Variants in NAA50 observed in about 807,000 individuals in gnomAD.
NAA50 encodes N-alpha-acetyltransferase 50.
NAA50 carries 7 observed loss-of-function variants against 20.7 expected under a neutral mutation model. That is an observed-to-expected ratio of 0.34 (90% confidence interval 0.19 to 0.63). NAA50 has a LOEUF of 0.63. Ranked by LOEUF, NAA50 falls within the 30% of genes least tolerant of loss-of-function variation. The pLI is 0.75. For missense variants in NAA50, 111 were observed against 199.1 expected (o/e 0.56, Z 2.66); for synonymous variants, 54 against 70.6 (o/e 0.77, Z 1.18).
At chr3:113,730,253 T>A (rs974134229) in intron 1 of NAA50, among the ~76,000 whole-genome samples, 4 of 152,076 alleles carry the variant, frequency 2.6e-5, no homozygotes, top group Non-Finnish European at 5.9e-5. Context: ...TGAGCCGAGA[T>A]CGCCACCACT....
At chr3:113,731,203 T>G (rs891889507) in intron 1 of NAA50, among the ~76,000 whole-genome samples, 1 of 152,218 alleles carries the variant, frequency 6.6e-6, no homozygotes, top group East Asian at 1.9e-4. Context: ...TCTTGAGTTT[T>G]GGGTGTATTA....
At chr3:113,723,918 G>C in intron 2 of NAA50, 41 bp downstream of exon 2, 5 of 1,490,556 alleles carry the variant, frequency 3.4e-6, no homozygotes, top group South Asian at 1.4e-5. Flanking sequence ...AGAACAAAAA[G>C]AAAGAAAAGA....
Position 113,736,242 on chromosome 3 carries a change from T to C in NAA50, c.8+9700A>G, listed in dbSNP as rs1364120681. Reference sequence around the variant, plus strand: ...TGCTTTTTCTTGTTTTTCAGATTCATAACAATCAAACCCCAAGGCATTTTC... The same window carrying C: ...TGCTTTTTCTTGTTTTTCAGATTCACAACAATCAAACCCCAAGGCATTTTC... On this transcript the variant is annotated intron_variant, in intron 1 of 4. Transcript: ENST00000240922. Among the ~76,000 whole-genome samples, 8 of 152,176 alleles carry C rather than the reference T, an allele frequency of 5.3e-5. No individual in the cohort carries two copies. In the East Asian group the frequency reaches 1.5e-3, roughly 29 times the overall value.
At position 113,717,622 on chromosome 3, in the gene NAA50, A is replaced by C. The variant is rs1481137322; in HGVS notation, c.*4138T>G. On this transcript the variant is annotated 3_prime_UTR_variant, in exon 5 of 5. Coordinates refer to ENST00000240922, the MANE Select transcript of NAA50 (RefSeq NM_025146.4). ...ATAGAAAATATTTACTCCCTGAAAA[A>C]CTTCTATAGGCTTACTGTTCCTATT... 1 of 152,088 alleles carries C rather than the reference A, an allele frequency of 6.6e-6. No individual in the cohort carries two copies. The highest frequency in any genetic ancestry group is 1.5e-5 in the Non-Finnish European group (1 of 68,022). The allele number at this position is 152,088 out of a possible 1,614,324, so 9.4% of individuals were successfully genotyped here. A position where few individuals can be genotyped will look rare whatever the true frequency, so the allele number is the denominator to read the frequency against.
At chr3:113,745,385 C>A (rs915284546) in intron 1 of NAA50, among the ~76,000 whole-genome samples, 1 of 152,186 alleles carries the variant, frequency 6.6e-6, no homozygotes, top group Non-Finnish European at 1.5e-5. Flanking sequence ...CTCTCTCCCC[C>A]TCCTCCACTC....
rs1708095666 is a variant in NAA50 at position 113,718,744 on chromosome 3, C to T, written c.*3016G>A. The T allele has an allele frequency of 6.6e-6, 1 of 152,210 alleles. No individual in the cohort carries two copies. The highest frequency in any genetic ancestry group is 6.5e-5 in the Admixed American group (1 of 15,286). 9.4% of individuals were successfully genotyped at this position (152,210 alleles called of 1,614,324 possible). On this transcript the variant is annotated 3_prime_UTR_variant, in exon 5 of 5. Coordinates refer to ENST00000240922, the MANE Select transcript of NAA50 (RefSeq NM_025146.4). ...TAAAAATACAGCAGCAAGACAGTTC[C>T]TTGGATCTTACTTTTTCCCTCTCAT...
chr3:113,742,565 G>T lies in NAA50; in HGVS notation c.8+3377C>A, dbSNP rs1708432960. 2.0e-5 allele frequency among the ~76,000 whole-genome samples: 3 copies of T among 152,142 alleles called. No individual in the cohort carries two copies. The South Asian group carries it at 6.2e-4, about 32-fold the overall frequency. On this transcript the variant is annotated intron_variant, in intron 1 of 4. Coordinates refer to ENST00000240922, the MANE Select transcript of NAA50 (RefSeq NM_025146.4). ...CTGCTTTATTGTTTGTAGAGACAAGGTCTCACTATGCTGAGATGCAAAAAG... is the reference window on the plus strand; with the variant it reads ...CTGCTTTATTGTTTGTAGAGACAAGTTCTCACTATGCTGAGATGCAAAAAG...
At position 113,721,105 on chromosome 3, in the gene NAA50, A is replaced by T. The variant is rs1318359238; in HGVS notation, c.*655T>A. The T allele has an allele frequency of 2.6e-5, 4 of 152,662 alleles. No homozygotes were observed. Among genetic ancestry groups the T allele is most frequent in the African/African-American group, 7.2e-5 (3 of 41,454 alleles). 9.5% of individuals were successfully genotyped at this position (152,662 alleles called of 1,614,324 possible). A position where few individuals can be genotyped will look rare whatever the true frequency, so the allele number is the denominator to read the frequency against. On this transcript the variant is annotated 3_prime_UTR_variant, in exon 5 of 5. Coordinates refer to ENST00000240922, the MANE Select transcript of NAA50 (RefSeq NM_025146.4). ...GCTAACAACCAGCCCACTCATTAGCAAAAAAGCAGTTTAACTCAAATACTT... is the reference window on the plus strand; with the variant it reads ...GCTAACAACCAGCCCACTCATTAGCTAAAAAGCAGTTTAACTCAAATACTT...
intron 1 of NAA50, among the ~76,000 whole-genome samples, chr3:113,728,184 A>C (rs888095431): frequency 6.6e-6 from 1 of 152,202 alleles, no homozygotes; most frequent in Non-Finnish European, 1.5e-5. Context: ...ATAACCTATA[A>C]AAAATTAAGT....
intron 1 of NAA50, among the ~76,000 whole-genome samples, chr3:113,729,928 CTTATAT>C (rs917647931): frequency 3.9e-5 from 6 of 152,006 alleles, no homozygotes; most frequent in South Asian, 2.1e-4. Flanking sequence ...TCCTTGTGTC[CTTATAT>C]TTAAAGTGTG....
At chr3:113,732,518 A>G (rs1708284145) in intron 1 of NAA50, among the ~76,000 whole-genome samples, 1 of 152,158 alleles carries the variant, frequency 6.6e-6, no homozygotes, top group Admixed American at 6.5e-5. Flanking sequence ...CAGCAGGGCC[A>G]TGTTCTCAAA....
At chr3:113,745,781 C>G in intron 1 of NAA50, 161 bp downstream of exon 1, 1 of 873,532 alleles carries the variant, frequency 1.1e-6, no homozygotes, top group Non-Finnish European at 1.7e-6. Context: ...CCGAGCCTCG[C>G]CTCCGCCCCC....
chr3:113,724,822 C>A lies in NAA50; in HGVS notation c.9-727G>T, dbSNP rs558667094. Among the ~76,000 whole-genome samples the A allele has an allele frequency of 3.3e-5, 5 of 152,260 alleles. No homozygotes were observed. In the South Asian group the frequency reaches 1.0e-3, roughly 32 times the overall value. ...CTGTTCTCGTGATAGTGAGTTCTCA[C>A]AAGATCTGATGGTTTTATAAGGAGG... On this transcript the variant is annotated intron_variant, in intron 1 of 4. Coordinates refer to ENST00000240922, the MANE Select transcript of NAA50 (RefSeq NM_025146.4).
At position 113,723,891 on chromosome 3, in the gene NAA50, T is replaced by C. The variant is rs1708167175; in HGVS notation, c.145+68A>G. The C allele has an allele frequency of 2.4e-5, 35 of 1,431,136 alleles. No individual in the cohort carries two copies. The South Asian group carries it at 4.9e-4, about 20-fold the overall frequency. The allele number at this position is 1,431,136 out of a possible 1,614,324, so 88.7% of individuals were successfully genotyped here. On this transcript the variant is annotated intron_variant, in intron 2 of 4. Transcript: ENST00000240922. ...AAATTAGTTAACTTCTTCTGCTCTA[T>C]AAAAAACTAGGGTTCAAGAACAAAA...
rs1708077702 is a variant in NAA50, at chr3:113,717,837, CCT to C, written c.*3921_*3922del. 6.6e-6 allele frequency: 1 copy of C among 152,310 alleles called. No homozygotes were observed. The highest frequency in any genetic ancestry group is 1.5e-5 in the Non-Finnish European group (1 of 68,056). 9.4% of individuals were successfully genotyped at this position (152,310 alleles called of 1,614,324 possible). On this transcript the variant is annotated 3_prime_UTR_variant, in exon 5 of 5. Coordinates refer to ENST00000240922, the MANE Select transcript of NAA50 (RefSeq NM_025146.4). ...TATAACCCTCATTTAGAAAACTACT[CCT>C]TTTAGAGACTAATAAAACACAACCT... is the stretch of plus-strand genomic sequence containing the variant.
rs1361974419 is a variant in NAA50 at position 113,717,112 on chromosome 3, A to C, written c.*4648T>G. Reference sequence around the variant, plus strand: ...CACTTTGGGAGGCTGCCCCAGGAGGATTGCCTAAGCTCAGGAGTTTGAGAC... The same window carrying C: ...CACTTTGGGAGGCTGCCCCAGGAGGCTTGCCTAAGCTCAGGAGTTTGAGAC... On this transcript the variant is annotated 3_prime_UTR_variant, in exon 5 of 5. Transcript: ENST00000240922. The C allele has an allele frequency of 6.6e-6, 1 of 152,224 alleles. No homozygotes were observed. Among genetic ancestry groups the C allele is most frequent in the African/African-American group, 2.4e-5 (1 of 41,442 alleles). The allele number at this position is 152,224 out of a possible 1,614,324, so 9.4% of individuals were successfully genotyped here. A position where few individuals can be genotyped will look rare whatever the true frequency, so the allele number is the denominator to read the frequency against.
At chr3:113,739,863 CA>C (rs1266794257) in intron 1 of NAA50, among the ~76,000 whole-genome samples, 1 of 152,084 alleles carries the variant, frequency 6.6e-6, no homozygotes, top group African/African-American at 2.4e-5. Flanking sequence ...CAGGACCGTC[CA>C]ACAGATATAC....
At chr3:113,738,315 A>G (rs1302314476) in intron 1 of NAA50, among the ~76,000 whole-genome samples, 1 of 152,160 alleles carries the variant, frequency 6.6e-6, no homozygotes, top group Non-Finnish European at 1.5e-5. Flanking sequence ...TTATTTCCAA[A>G]TCTCTGAATC....
At chr3:113,723,030 A>C in intron 3 of NAA50, 58 bp from the exon 4 acceptor site, 1 of 1,462,762 alleles carries the variant, frequency 6.8e-7, no homozygotes, top group Non-Finnish European at 9.1e-7. Context: ...TAAATTATGT[A>C]TCTATCCACT....
Sources: allele counts gnomAD v4.1 joint callset (sites outside exome capture counted in the v4.1 genomes callset), GRCh38; gene constraint gnomAD v4.1.1; transcripts MANE v1.5; gene names NCBI Gene and HGNC (gene_info 2026-07-23, HGNC 2026-07-21).